Variants in ANKRD52 observed in about 807,000 individuals in gnomAD.
The protein encoded by ANKRD52 is ankyrin repeat domain 52.
ANKRD52 carries 7 observed loss-of-function variants against 116.0 expected under a neutral mutation model. The ratio of observed to expected loss-of-function variants is 0.06; its 90% CI spans 0.03 to 0.11. The LOEUF (loss-of-function observed/expected upper bound fraction) is 0.11. ANKRD52 is among the 10% of genes least tolerant of loss of function. ANKRD52 has a pLI of 1.00. For missense variants in ANKRD52, 839 were observed against 1,408.6 expected, an observed-to-expected ratio of 0.60 and a Z score of 6.47; for synonymous variants, 528 against 578.1, an observed-to-expected ratio of 0.91 and a Z score of 1.24.
Position 56,243,500 on chromosome 12 carries a change from C to G in ANKRD52, c.2981-108G>C. 8 of 1,436,096 alleles carry G rather than the reference C, an allele frequency of 5.6e-6. 1 individual carries two copies. In the South Asian group the frequency reaches 1.1e-4, roughly 20 times the overall value. 89.0% of individuals were successfully genotyped at this position (1,436,096 alleles called of 1,614,324 possible). On this transcript the variant is annotated intron_variant, in intron 27 of 27. Coordinates refer to ENST00000267116, the MANE Select transcript of ANKRD52 (RefSeq NM_173595.4). This position sits in a 1 kb window ranked among gnomAD's most constrained non-coding sequence, Gnocchi z 4.6. Reference sequence around the variant, plus strand: ...GGAGGGAGCCAAGGCAGGCAGGTACCCAGCAGCGGCAGAATCCAAGGGTGA... The same window carrying G: ...GGAGGGAGCCAAGGCAGGCAGGTACGCAGCAGCGGCAGAATCCAAGGGTGA...
chr12:56,257,683 T>C, intron 2 of ANKRD52, 145 bp downstream of exon 2: 1 of 808,654 alleles, frequency 1.2e-6, no homozygotes, highest in Non-Finnish European at 2.0e-6. Flanking sequence ...CATCCCCAAA[T>C]GCAGAGTAGG....
chr12:56,246,023 T>C lies in ANKRD52; in HGVS notation c.2185-427A>G, dbSNP rs1385888720. Among the ~76,000 whole-genome samples the C allele has an allele frequency of 2.0e-5, 3 of 151,176 alleles. No homozygotes were observed. The East Asian group carries it at 5.9e-4, about 29-fold the overall frequency. ...AGCCACTGGCCTCAATCCTTGTCTT[T>C]ACAACAATAATTCTTTCTTTTTTTG... On this transcript the variant is annotated intron_variant, in intron 20 of 27. Transcript: ENST00000267116.
rs1305535006 is a variant in ANKRD52, at chr12:56,239,624, A to G, written c.*3518T>C. ...AGACAAAAACACTCATGTGCATAAG[A>G]TACACAGTGCGCAAACTCAGCCCTG... On this transcript the variant is annotated 3_prime_UTR_variant, in exon 28 of 28. Coordinates refer to ENST00000267116, the MANE Select transcript of ANKRD52 (RefSeq NM_173595.4). The G allele has an allele frequency of 6.6e-6, 1 of 152,180 alleles. No homozygotes were observed. Among genetic ancestry groups the G allele is most frequent in the Non-Finnish European group, 1.5e-5 (1 of 68,122 alleles). 9.4% of individuals were successfully genotyped at this position (152,180 alleles called of 1,614,324 possible).
At position 56,252,644 on chromosome 12, in the gene ANKRD52, A is replaced by T; in HGVS notation, c.1302-74T>A. On this transcript the variant is annotated intron_variant, in intron 12 of 27. Transcript: ENST00000267116. The surrounding 1 kb of genome is among the most constrained non-coding windows in gnomAD (Gnocchi z 4.7). Reference sequence around the variant, plus strand: ...AGGCCCAGGGTGGGGCTAAGGAAGGATGGGACTAGCAAGCCCTTTCTGCTG... The same window carrying T: ...AGGCCCAGGGTGGGGCTAAGGAAGGTTGGGACTAGCAAGCCCTTTCTGCTG... 7 of 1,554,624 alleles carry T rather than the reference A, an allele frequency of 4.5e-6. No homozygotes were observed. The highest frequency in any genetic ancestry group is 6.2e-6 in the Non-Finnish European group (7 of 1,128,044).
rs1393663311 is a variant in ANKRD52, at chr12:56,254,369, A to G, written c.694-90T>C. ...GCCTCCAGATCCCAGAAATCCAACG[A>G]CTGCCTCATTTCCTCTCGGGTTTAT... On this transcript the variant is annotated intron_variant, in intron 7 of 27. Transcript: ENST00000267116. The surrounding 1 kb of genome is among the most constrained non-coding windows in gnomAD (Gnocchi z 4.6). 2 of 1,486,298 alleles carry G rather than the reference A, an allele frequency of 1.3e-6. No individual in the cohort carries two copies. The highest frequency in any genetic ancestry group is 2.8e-5 in the African/African-American group (2 of 72,216). The allele number at this position is 1,486,298 out of a possible 1,614,324, so 92.1% of individuals were successfully genotyped here.
At chr12:56,257,734 C>T in intron 2 of ANKRD52, 94 bp downstream of exon 2, 1 of 1,228,706 alleles carries the variant, frequency 8.1e-7, no homozygotes, top group South Asian at 1.3e-5. Flanking sequence ...CTCATCTGAG[C>T]AGAGGAGACA....
intron 15 of ANKRD52, 85 bp downstream of exon 15, chr12:56,251,930 G>A (rs1269498649): frequency 7.0e-7 from 1 of 1,438,086 alleles, no homozygotes; most frequent in Admixed American, 1.8e-5. Flanking sequence ...ATAGGGTAGA[G>A]GTTCAGATTA....
Position 56,252,671 on chromosome 12 carries a change from G to A in ANKRD52, c.1302-101C>T. The A allele has an allele frequency of 2.6e-6, 4 of 1,536,262 alleles. No individual in the cohort carries two copies. The highest frequency in any genetic ancestry group is 1.7e-5 in the Admixed American group (1 of 59,628). On this transcript the variant is annotated intron_variant, in intron 12 of 27. Transcript: ENST00000267116. This position sits in a 1 kb window ranked among gnomAD's most constrained non-coding sequence, Gnocchi z 4.7. ...GGGACTAGCAAGCCCTTTCTGCTGTGACTGCTTTCATTGTGAGAGGGGGAA... is the reference window on the plus strand; with the variant it reads ...GGGACTAGCAAGCCCTTTCTGCTGTAACTGCTTTCATTGTGAGAGGGGGAA...
intron 4 of ANKRD52, 118 bp downstream of exon 4, chr12:56,256,897 C>T: frequency 1.7e-6 from 2 of 1,151,392 alleles, no homozygotes; most frequent in East Asian, 2.6e-5. Flanking sequence ...ATTTGATCTC[C>T]TCACTACCTG....
chr12:56,257,628 C>A (rs1872021420), intron 2 of ANKRD52, among the ~76,000 whole-genome samples, 200 bp downstream of exon 2: 1 of 152,056 alleles, frequency 6.6e-6, no homozygotes, highest in African/African-American at 2.4e-5. Flanking sequence ...CGTTCCTGGG[C>A]ATTCCCAGCC....
intron 15 of ANKRD52, among the ~76,000 whole-genome samples, chr12:56,249,772 G>A (rs922086034): frequency 1.3e-5 from 2 of 152,008 alleles, no homozygotes; most frequent in African/African-American, 4.8e-5. Flanking sequence ...GGGCGTGGTG[G>A]CTCACGCCTG....
rs1213011929 is a variant in ANKRD52, at chr12:56,254,097, C to A, written c.876G>T (p.Leu292=). The A allele has an allele frequency of 6.2e-7, 1 of 1,613,772 alleles. No individual in the cohort carries two copies. Among genetic ancestry groups the A allele is most frequent in the Admixed American group, 1.7e-5 (1 of 59,992 alleles). ...AGTTGACGTCAGCCCCATTATTAAC[C>A]AGTAGCTCCAAGCAGAGAGCGCCAT... is the stretch of plus-strand genomic sequence containing the variant. ...STNGALCLEL[L]VNNGADVNYQ... Residue 292 remains leucine, a synonymous_variant, in exon 8 of 28, where the codon CTG becomes CTT. Coordinates refer to ENST00000267116, the MANE Select transcript of ANKRD52 (RefSeq NM_173595.4). The surrounding 1 kb of genome is among the most constrained non-coding windows in gnomAD (Gnocchi z 4.6).
intron 4 of ANKRD52, 121 bp from the exon 5 acceptor site, chr12:56,256,105 A>C: frequency 9.9e-5 from 100 of 1,013,794 alleles, no homozygotes; most frequent in Non-Finnish European, 1.3e-4. Flanking sequence ...ATCTCTTCTC[A>C]TTTTTCCAAC....
In ANKRD52 at chr12:56,240,663, G is replaced by C. The variant is rs1410374276; in HGVS notation, c.*2479C>G. The C allele has an allele frequency of 6.6e-6, 1 of 152,224 alleles. No homozygotes were observed. Among genetic ancestry groups the C allele is most frequent in the African/African-American group, 2.4e-5 (1 of 41,450 alleles). 9.4% of individuals were successfully genotyped at this position (152,224 alleles called of 1,614,324 possible). On this transcript the variant is annotated 3_prime_UTR_variant, in exon 28 of 28. Transcript: ENST00000267116. This position sits in a 1 kb window ranked among gnomAD's most constrained non-coding sequence, Gnocchi z 4.2. ...GGTCAAAATGCTTCAAAAAACACTA[G>C]GGCTGGGGAGCCCAGGGTGGGGCGT... is the stretch of plus-strand genomic sequence containing the variant.
intron 20 of ANKRD52, 112 bp from the exon 21 acceptor site, chr12:56,245,708 CTTTTTTTTT>C: frequency 3.3e-5 from 13 of 397,116 alleles, no homozygotes; most frequent in Admixed American, 5.8e-5. Context: ...CAATCCTTGT[CTTTTTTTTT>C]TTTTTTTTTT....
rs773982748 is a variant in ANKRD52 at position 56,240,667 on chromosome 12, T to G, written c.*2475A>C. 2.6e-5 allele frequency: 4 copies of G among 152,186 alleles called. No homozygotes were observed. The highest frequency in any genetic ancestry group is 5.9e-5 in the Non-Finnish European group (4 of 68,018). 9.4% of individuals were successfully genotyped at this position (152,186 alleles called of 1,614,324 possible). On this transcript the variant is annotated 3_prime_UTR_variant, in exon 28 of 28. Coordinates refer to ENST00000267116, the MANE Select transcript of ANKRD52 (RefSeq NM_173595.4). This position sits in a 1 kb window ranked among gnomAD's most constrained non-coding sequence, Gnocchi z 4.2. ...AAAATGCTTCAAAAAACACTAGGGC[T>G]GGGGAGCCCAGGGTGGGGCGTGGGG...
At position 56,241,021 on chromosome 12, in the gene ANKRD52, T is replaced by C. The variant is rs562602799; in HGVS notation, c.*2121A>G. ...GAGGGAGGGGGTGGAATGGGAAGATTTCAGGAGAGAGAATTGAAGGGAAGG... is the reference window on the plus strand; with the variant it reads ...GAGGGAGGGGGTGGAATGGGAAGATCTCAGGAGAGAGAATTGAAGGGAAGG... On this transcript the variant is annotated 3_prime_UTR_variant, in exon 28 of 28. Coordinates refer to ENST00000267116, the MANE Select transcript of ANKRD52 (RefSeq NM_173595.4). The C allele has an allele frequency of 6.6e-6, 1 of 151,724 alleles. No homozygotes were observed. Among genetic ancestry groups the C allele is most frequent in the Non-Finnish European group, 1.5e-5 (1 of 67,972 alleles). 9.4% of individuals were successfully genotyped at this position (151,724 alleles called of 1,614,324 possible).
chr12:56,248,837 G>T lies in ANKRD52; in HGVS notation c.1626C>A (p.Asp542Glu). Residue 542 changes from aspartate (D) to glutamate (E), a missense_variant, in exon 16 of 28, where the codon GAC (aspartate) becomes GAA (glutamate). By Grantham distance (45) the Asp-to-Glu change is conservative (BLOSUM62 2). Transcript: ENST00000267116. This position sits in a 1 kb window ranked among gnomAD's most constrained non-coding sequence, Gnocchi z 5.1. Reference protein sequence around the residue: ...CLEFLLDNGADPSLRDRQGYT... With the variant: ...CLEFLLDNGAEPSLRDRQGYT... The stretch of plus-strand genomic sequence containing the variant: ...AGCCCTGCCTGTCCCGCAGGGAGGG[G>T]TCTGCACCGTTATCCAGTAAGAACT... 6.2e-7 allele frequency: 1 copy of T among 1,609,432 alleles called. No homozygotes were observed. Among genetic ancestry groups the T allele is most frequent in the Non-Finnish European group, 8.5e-7 (1 of 1,177,840 alleles).
intron 15 of ANKRD52, among the ~76,000 whole-genome samples, chr12:56,250,599 G>A (rs1871641700): frequency 6.6e-6 from 1 of 151,544 alleles, no homozygotes; most frequent in African/African-American, 2.4e-5. Context: ...TAGAAAAATT[G>A]TGGGCTAGGT....
Sources: gnomAD v4.1 joint callset for allele counts (sites outside exome capture counted in the v4.1 genomes callset) on GRCh38, gnomAD v4.1.1 for gene constraint, Gnocchi (gnomAD v3.1) non-coding constraint, MANE v1.5 for transcripts, NCBI Gene and HGNC (gene_info 2026-07-23, HGNC 2026-07-21) for gene names.